OTOA: variants seen among roughly 807,000 people sequenced by gnomAD.
The protein encoded by OTOA is otoancorin.
A neutral mutation model predicts 110.8 loss-of-function variants in OTOA; 70 were observed. The ratio of observed to expected loss-of-function variants is 0.63; its 90% CI spans 0.52 to 0.77. The LOEUF is 0.77. OTOA is among the 30% of genes least tolerant of loss of function. The pLI, the probability that OTOA is intolerant of heterozygous loss-of-function variation, is 0.00. For missense variants in OTOA, 917 were observed against 1,075.8 expected (o/e 0.85, Z 2.06); for synonymous variants, 373 against 431.5 (o/e 0.86, Z 1.68).
chr16:21,701,604 TC>T (rs2141676407), intron 11 of OTOA, among the ~76,000 whole-genome samples: 1 of 152,076 alleles, frequency 6.6e-6, no homozygotes, highest in East Asian at 1.9e-4. Context: ...AGCTCAATAC[TC>T]CCTCCTTTTC....
chr16:21,760,339 T>A (rs1046864165), intron 28 of OTOA, 131 bp from the exon 29 acceptor site: 18 of 701,906 alleles, frequency 2.6e-5, no homozygotes, highest in South Asian at 2.2e-4. Flanking sequence ...TGTTCCCATT[T>A]AAGAGACGAA....
chr16:21,663,982 TG>T lies in OTOA; in HGVS notation c.-253del, dbSNP rs1308572315. 6.6e-6 allele frequency: 1 copy of T among 152,090 alleles called. No individual in the cohort carries two copies. The highest frequency in any genetic ancestry group is 1.5e-5 in the Non-Finnish European group (1 of 68,034). The allele number at this position is 152,090 out of a possible 1,614,324, so 9.4% of individuals were successfully genotyped here. A position where few individuals can be genotyped will look rare whatever the true frequency, so the allele number is the denominator to read the frequency against. ...GCTTCCTAGCTGCCGCCCCGAAGAG[TG>T]GCTGGGGAGCAGGCATTTGTGCGTC... is the stretch of plus-strand genomic sequence containing the variant. On this transcript the variant is annotated 5_prime_UTR_variant, in exon 1 of 29. Transcript: ENST00000646100.
chr16:21,683,840 C>T (rs1966944182), intron 6 of OTOA, among the ~76,000 whole-genome samples: 1 of 150,820 alleles, frequency 6.6e-6, no homozygotes, highest in South Asian at 2.1e-4. Context: ...GCCACCTCAG[C>T]TCACCACAAC....
chr16:21,723,480 T>G (rs1898824670), intron 18 of OTOA, among the ~76,000 whole-genome samples: 1 of 152,028 alleles, frequency 6.6e-6, no homozygotes, highest in South Asian at 2.1e-4. Context: ...ACTTGCTGTG[T>G]GCTAGTTCTC....
rs1377805334 is a variant in OTOA at position 21,716,912 on chromosome 16, C to A, written c.1494C>A (p.Val498=). Residue 498 remains valine (V), a synonymous_variant, in exon 15 of 29, where the codon GTC becomes GTA. Coordinates refer to ENST00000646100, the MANE Select transcript of OTOA (RefSeq NM_144672.4). ...TTGCTTCTCGCTTCTGGCAGATGGT[C>A]CAAGCGGAAGACACTGCCCCAGGCA... The part of the protein sequence containing the change: ...AQQQGILSKM[V]QAEDTAPGIV... The A allele has an allele frequency of 6.2e-7, 1 of 1,613,702 alleles. No individual in the cohort carries two copies. The highest frequency in any genetic ancestry group is 1.7e-5 in the Admixed American group (1 of 59,960).
intron 18 of OTOA, among the ~76,000 whole-genome samples, chr16:21,725,454 T>G (rs1282646869): frequency 6.6e-6 from 1 of 152,024 alleles, no homozygotes; most frequent in Non-Finnish European, 1.5e-5. Context: ...GCCCAGCTAA[T>G]TTTTTGAATT....
At chr16:21,723,471 C>T (rs1898824343) in intron 18 of OTOA, among the ~76,000 whole-genome samples, 1 of 150,844 alleles carries the variant, frequency 6.6e-6, no homozygotes, top group Admixed American at 6.6e-5. Context: ...TCATTGAGTA[C>T]TTGCTGTGTG....
chr16:21,702,244 T>C (rs893257688), intron 11 of OTOA, among the ~76,000 whole-genome samples: 5 of 152,122 alleles, frequency 3.3e-5, no homozygotes, highest in Non-Finnish European at 5.9e-5. Flanking sequence ...GCCACTGTGC[T>C]GGGCCATCAT....
rs1232183406 is a variant in OTOA at position 21,728,275 on chromosome 16, T to A, written c.2051T>A (p.Ile684Asn). 5.0e-6 allele frequency: 8 copies of A among 1,614,150 alleles called. No individual in the cohort carries two copies. The highest frequency in any genetic ancestry group is 1.3e-5 in the African/African-American group (1 of 75,034). ...DSIADEYTVD[I>N]MGNLLCHLPA... ...ATTGCTGATGAGTACACTGTGGACATCATGGGGAACCTGCTGTGTCACTTG... is the reference window on the plus strand; with the variant it reads ...ATTGCTGATGAGTACACTGTGGACAACATGGGGAACCTGCTGTGTCACTTG... The change falls in exon 20 of 29, where the codon ATC (isoleucine) becomes AAC (asparagine). Residue 684 changes from isoleucine (I) to asparagine (N), a missense_variant. Transcript: ENST00000646100.
intron 13 of OTOA, among the ~76,000 whole-genome samples, chr16:21,714,332 C>CTTT (rs1898461599): frequency 6.0e-4 from 77 of 127,738 alleles, no homozygotes; most frequent in Admixed American, 2.0e-3. Flanking sequence ...TTCCTTCCTT[C>CTTT]CTTTCTTTCT....
chr16:21,738,402 G>A (rs370153558), intron 22 of OTOA, among the ~76,000 whole-genome samples: 9,658 of 88,524 alleles, frequency 0.11, 34 homozygotes, highest in East Asian at 0.18. Context: ...AATTGGATTT[G>A]TGTCTACCTT....
intron 6 of OTOA, among the ~76,000 whole-genome samples, chr16:21,684,720 C>CTTA (rs531589434): frequency 0.01 from 1,291 of 126,876 alleles, 10 homozygotes; most frequent in East Asian, 0.046. Context: ...GAGGAATCCC[C>CTTA]TTATTATTAT....
At chr16:21,707,609 CTTTCTTTCTT>C (rs1233408176) in intron 12 of OTOA, among the ~76,000 whole-genome samples, 1 of 79,450 alleles carries the variant, frequency 1.3e-5, no homozygotes, top group Admixed American at 1.5e-4. Flanking sequence ...TTCTTTCTTT[CTTTCTTTCTT>C]TCTTTCTTTC....
In OTOA at chr16:21,733,867, T is replaced by A. The variant is rs1899195776; in HGVS notation, c.2302-2394T>A. On this transcript the variant is annotated intron_variant, in intron 21 of 28. Transcript: ENST00000646100. ...CAGGCCGGAATGCAGTGGCACGATT[T>A]CGGCTCACTGCAACCTCCACCTCCT... is the stretch of plus-strand genomic sequence containing the variant. 3.3e-5 allele frequency among the ~76,000 whole-genome samples: 5 copies of A among 152,194 alleles called. No individual in the cohort carries two copies. In the South Asian group the frequency reaches 1.0e-3, roughly 32 times the overall value.
At chr16:21,668,709 G>T (rs1034893680) in intron 1 of OTOA, among the ~76,000 whole-genome samples, 5 of 151,836 alleles carry the variant, frequency 3.3e-5, no homozygotes, top group African/African-American at 1.2e-4. Context: ...TGATCTGCCC[G>T]CCTCGGCCTC....
At chr16:21,692,263 A>T (rs1567370659) in intron 9 of OTOA, among the ~76,000 whole-genome samples, 1 of 151,688 alleles carries the variant, frequency 6.6e-6, no homozygotes, top group Admixed American at 6.6e-5. Flanking sequence ...GGAGGCAGAG[A>T]TTGCAGTGAG....
chr16:21,722,825 A>G, intron 17 of OTOA, 80 bp from the exon 18 acceptor site: 1 of 1,277,374 alleles, frequency 7.8e-7, no homozygotes, highest in East Asian at 2.3e-5. Context: ...AGCACTTAGA[A>G]TAGTACCTGG....
intron 11 of OTOA, chr16:21,704,849 T>G: frequency 1.3e-6 from 1 of 759,910 alleles, no homozygotes; most frequent in Non-Finnish European, 2.4e-6. Flanking sequence ...TGGGTCTTGC[T>G]ACAAGGTGAT....
rs190282796 is a variant in OTOA at position 21,706,962 on chromosome 16, G to A, written c.1104+1670G>A. Among the ~76,000 whole-genome samples, 216 of 149,564 alleles carry A rather than the reference G, an allele frequency of 1.4e-3. 1 individual carries two copies. Among genetic ancestry groups the A allele is most frequent in the Non-Finnish European group, 2.3e-3 (157 of 67,662 alleles). ...TCAAGTGGCACAATTTCAGCTCATTGCAACCTTCGCCTTGCCTCAGCCTCT... is the reference window on the plus strand; with the variant it reads ...TCAAGTGGCACAATTTCAGCTCATTACAACCTTCGCCTTGCCTCAGCCTCT... On this transcript the variant is annotated intron_variant, in intron 12 of 28. Coordinates refer to ENST00000646100, the MANE Select transcript of OTOA (RefSeq NM_144672.4).
Sources: allele counts gnomAD v4.1 joint callset (sites outside exome capture counted in the v4.1 genomes callset), GRCh38; gene constraint gnomAD v4.1.1; transcripts MANE v1.5; gene names NCBI Gene and HGNC (gene_info 2026-07-23, HGNC 2026-07-21).